Variants in FRYL observed in about 807,000 individuals in gnomAD.
FRYL encodes the protein FRY like transcription coactivator.
A neutral mutation model predicts 351.2 loss-of-function variants in FRYL; 150 were observed. The ratio of observed to expected loss-of-function variants is 0.43; its 90% confidence interval spans 0.37 to 0.49. FRYL has a LOEUF of 0.49. FRYL is among the 20% of genes least tolerant of loss of function. The pLI is 0.00. For missense variants in FRYL, 3,036 were observed against 3,619.3 expected (o/e 0.84, Z 4.13); for synonymous variants, 1,153 against 1,257.1 (o/e 0.92, Z 1.75).
intron 2 of FRYL, among the ~76,000 whole-genome samples, chr4:48,687,523 C>T (rs1370000449): frequency 8.3e-6 from 1 of 120,438 alleles, no homozygotes; most frequent in Non-Finnish European, 1.7e-5. Flanking sequence ...GGGAGGGGGG[C>T]GGAAAGCCTC....
intron 48 of FRYL, among the ~76,000 whole-genome samples, chr4:48,535,423 T>G (rs1168274603): frequency 6.6e-6 from 1 of 152,052 alleles, no homozygotes; most frequent in Non-Finnish European, 1.5e-5. Context: ...TCTTTTACAC[T>G]TGATAGGAAG....
At position 48,641,913 on chromosome 4, in the gene FRYL, T is replaced by C. The variant is rs553896105; in HGVS notation, c.-80-7423A>G. 1.1e-4 allele frequency among the ~76,000 whole-genome samples: 16 copies of C among 152,328 alleles called. No individual in the cohort carries two copies. In the East Asian group the frequency reaches 3.1e-3, roughly 29 times the overall value. On this transcript the variant is annotated intron_variant, in intron 3 of 63. Coordinates refer to ENST00000358350, the MANE Select transcript of FRYL (RefSeq NM_015030.2). ...ACTACTTACCTATATTTTAACTCTT[T>C]TTAAGTTCGCTTTATTTGTTCCATT...
chr4:48,723,348 GCCCAGGCTGGTCT>G (rs1275033445), intron 1 of FRYL, among the ~76,000 whole-genome samples: 2 of 151,926 alleles, frequency 1.3e-5, no homozygotes, highest in Non-Finnish European at 2.9e-5. Flanking sequence ...TCACCATGTT[GCCCAGGCTGGTCT>G]CGAATGCCTG....
At chr4:48,610,765 A>G (rs1350464808) in intron 7 of FRYL, among the ~76,000 whole-genome samples, 2 of 146,378 alleles carry the variant, frequency 1.4e-5, no homozygotes, top group African/African-American at 5.0e-5. Flanking sequence ...TACATATATT[A>G]TATATATGTT....
intron 3 of FRYL, chr4:48,681,212 T>C (rs1764554596): frequency 4.1e-6 from 2 of 489,916 alleles, no homozygotes; most frequent in Non-Finnish European, 5.8e-6. Context: ...AGGTACACTA[T>C]TTGTGTCAAA....
intron 42 of FRYL, among the ~76,000 whole-genome samples, chr4:48,545,703 A>G (rs1731185108): frequency 6.6e-6 from 1 of 152,186 alleles, no homozygotes; most frequent in Admixed American, 6.6e-5. Flanking sequence ...GCAATGGAAT[A>G]CCATGCCCTT....
At chr4:48,660,893 G>A (rs1270630063) in intron 3 of FRYL, among the ~76,000 whole-genome samples, 1 of 152,100 alleles carries the variant, frequency 6.6e-6, no homozygotes, top group Non-Finnish European at 1.5e-5. Flanking sequence ...ACATTATCAA[G>A]ATCATTAAAA....
At position 48,553,195 on chromosome 4, in the gene FRYL, G is replaced by C. The variant is rs766069445; in HGVS notation, c.4435+20C>G. 6.3e-7 allele frequency: 1 copy of C among 1,598,096 alleles called. No homozygotes were observed. ...ATGTCTATCATCTCACACAGCAATCGGTTTTAACAAATTTCTCACCTGAGG... is the reference window on the plus strand; with the variant it reads ...ATGTCTATCATCTCACACAGCAATCCGTTTTAACAAATTTCTCACCTGAGG... On this transcript the variant is annotated intron_variant, in intron 36 of 63. Transcript: ENST00000358350.
chr4:48,707,988 T>TG (rs1767562522), intron 2 of FRYL, among the ~76,000 whole-genome samples: 1 of 151,548 alleles, frequency 6.6e-6, no homozygotes, highest in Admixed American at 6.6e-5. Context: ...ACCCGGCTAA[T>TG]TTTTTGCATT....
rs1488116644 is a variant in FRYL at position 48,593,928 on chromosome 4, A to G, written c.1335+2T>C. The G allele has an allele frequency of 7.7e-7, 1 of 1,293,002 alleles. No homozygotes were observed. The allele number at this position is 1,293,002 out of a possible 1,614,324, so 80.1% of individuals were successfully genotyped here. On this transcript the variant is annotated splice_donor_variant, in intron 16 of 63. Coordinates refer to ENST00000358350, the MANE Select transcript of FRYL (RefSeq NM_015030.2). LOFTEE classifies it high-confidence loss of function. Reference sequence around the variant, plus strand: ...TATATTATTACATTATAATTTTTTTACCTCTGGATTAATGGTGAAAGTTTT... The same window carrying G: ...TATATTATTACATTATAATTTTTTTGCCTCTGGATTAATGGTGAAAGTTTT...
chr4:48,633,054 G>A (rs879678984), intron 4 of FRYL, among the ~76,000 whole-genome samples: 2 of 152,138 alleles, frequency 1.3e-5, no homozygotes, highest in African/African-American at 2.4e-5. Context: ...TGTGTAAGGA[G>A]TGAGTTTCAG....
At chr4:48,680,249 A>T (rs190780003) in intron 3 of FRYL, among the ~76,000 whole-genome samples, 2 of 152,148 alleles carry the variant, frequency 1.3e-5, no homozygotes, top group Non-Finnish European at 2.9e-5. Context: ...TTTACTCCCT[A>T]AAATTAAAAA....
intron 2 of FRYL, among the ~76,000 whole-genome samples, chr4:48,695,123 G>A (rs1766029789): frequency 6.6e-6 from 1 of 152,160 alleles, no homozygotes; most frequent in African/African-American, 2.4e-5. Context: ...CTGAGCAAAG[G>A]AGAAAATGCG....
chr4:48,606,144 G>A (rs1219402403), intron 10 of FRYL, among the ~76,000 whole-genome samples: 3 of 150,756 alleles, frequency 2.0e-5, no homozygotes, highest in Admixed American at 2.0e-4. Flanking sequence ...CTGGTGGCAG[G>A]CGCCTGTAAT....
chr4:48,728,137 T>C (rs78817275), intron 1 of FRYL, among the ~76,000 whole-genome samples: 2,608 of 152,228 alleles, frequency 0.017, 73 homozygotes, highest in African/African-American at 0.059. Context: ...ATAATGTAGT[T>C]TGAAAAGACA....
chr4:48,745,497 G>C (rs1219278122), intron 1 of FRYL, among the ~76,000 whole-genome samples: 2 of 151,948 alleles, frequency 1.3e-5, no homozygotes, highest in South Asian at 2.1e-4. Context: ...CAAACTTATC[G>C]CAAGGACAAA....
At chr4:48,758,651 A>C (rs1425021375) in intron 1 of FRYL, among the ~76,000 whole-genome samples, 1 of 152,242 alleles carries the variant, frequency 6.6e-6, no homozygotes, top group Admixed American at 6.5e-5. Flanking sequence ...AACTAGTTCA[A>C]CCATTGTGGA....
At chr4:48,770,107 A>G (rs1184426202) in intron 1 of FRYL, among the ~76,000 whole-genome samples, 1 of 152,212 alleles carries the variant, frequency 6.6e-6, no homozygotes, top group African/African-American at 2.4e-5. Context: ...ACATTAAAGA[A>G]CATGAAATCT....
chr4:48,585,879 T>C (rs577833703), intron 19 of FRYL, among the ~76,000 whole-genome samples: 1 of 152,354 alleles, frequency 6.6e-6, no homozygotes, highest in Non-Finnish European at 1.5e-5. Context: ...CAACAGATTA[T>C]TGTAAACTAT....
Sources: gnomAD v4.1 joint callset for allele counts (sites outside exome capture counted in the v4.1 genomes callset) on GRCh38, gnomAD v4.1.1 for gene constraint, MANE v1.5 for transcripts, NCBI Gene and HGNC (gene_info 2026-07-23, HGNC 2026-07-21) for gene names.